The following WWC1 variants were observed in gnomAD, a reference collection of about 807,000 sequenced individuals.
WWC1 encodes protein KIBRA.
Under a neutral mutation model 138.4 loss-of-function variants are expected in WWC1, and 55 were observed. The observed-to-expected ratio is 0.40, with a 90% CI of 0.32 to 0.50. The LOEUF is 0.50. Among genes scored for constraint, WWC1 ranks in the 20% least tolerant of loss-of-function variants. The probability of loss-of-function intolerance (pLI) is 0.72; values close to 1 mark genes in which losing one functional copy is unlikely to be tolerated. For missense variants in WWC1, 1,226 were observed against 1,420.4 expected, an observed-to-expected ratio of 0.86 and a Z score of 2.20; for synonymous variants, 524 against 564.9, an observed-to-expected ratio of 0.93 and a Z score of 1.03.
chr5:168,371,482 G>C lies in WWC1; in HGVS notation c.178G>C (p.Glu60Gln), dbSNP rs751494695. The C allele has an allele frequency of 6.2e-7, 1 of 1,614,056 alleles. No individual in the cohort carries two copies. Among genetic ancestry groups the C allele is most frequent in the South Asian group, 1.1e-5 (1 of 91,074 alleles). Residue 60 changes from glutamate to glutamine, a missense_variant, in exon 2 of 23, where the codon GAA becomes CAA. Physicochemically the swap from Glu to Gln is conservative, Grantham distance 29. Coordinates refer to ENST00000265293, the MANE Select transcript of WWC1 (RefSeq NM_015238.3). ...CISDELPLGW[E>Q]EAYDPQVGDY... ...TAGTGATGAGTTGCCGCTAGGATGG[G>C]AAGAGGCATATGACCCACAGGTTGG...
chr5:168,397,229 G>T (rs527961954), intron 3 of WWC1, among the ~76,000 whole-genome samples: 73 of 151,152 alleles, frequency 4.8e-4, no homozygotes, highest in Non-Finnish European at 9.3e-4. Flanking sequence ...TGCAACCTCT[G>T]CCTCTCAGGT....
chr5:168,317,564 A>G (rs1381287984), intron 1 of WWC1, among the ~76,000 whole-genome samples: 7 of 152,018 alleles, frequency 4.6e-5, no homozygotes, highest in Non-Finnish European at 8.8e-5. Context: ...TGAACCCAGG[A>G]CTTCCCCCAC....
intron 17 of WWC1, among the ~76,000 whole-genome samples, chr5:168,453,227 A>AG (rs956365561): frequency 1.5e-5 from 2 of 133,390 alleles, no homozygotes; most frequent in Admixed American, 7.5e-5. Flanking sequence ...CTGATTCAAA[A>AG]GGAAAAAAAA....
Position 168,423,638 on chromosome 5 carries a change from C to T in WWC1, c.1380C>T (p.Ala460=), listed in dbSNP as rs775873715. ...CCAGCCTGGACTCCTCCACTTCAGC[C>T]AGCTTCACTGACCTCTACTATGACC... The part of the protein sequence containing the change: ...VASSLDSSTS[A]SFTDLYYDPF... Residue 460 remains alanine, a synonymous_variant, in exon 11 of 23, where the codon GCC becomes GCT. Coordinates refer to ENST00000265293, the MANE Select transcript of WWC1 (RefSeq NM_015238.3). 1 of 1,614,182 alleles carries T rather than the reference C, an allele frequency of 6.2e-7. No individual in the cohort carries two copies. The highest frequency in any genetic ancestry group is 8.5e-7 in the Non-Finnish European group (1 of 1,180,028).
rs866481796 is a variant in WWC1, at chr5:168,374,063, A to G, written c.229+2530A>G. ...TCTGTACCAAAAAAAAAAAAAAAAA[A>G]AGAGAGAGAGGTATAGCACAATATA... is the stretch of plus-strand genomic sequence containing the variant. On this transcript the variant is annotated intron_variant, in intron 2 of 22. Transcript: ENST00000265293. Among the ~76,000 whole-genome samples the G allele has an allele frequency of 6.7e-3, 967 of 144,020 alleles. 12 individuals are homozygous for G. Among genetic ancestry groups the G allele is most frequent in the Non-Finnish European group, 7.5e-3 (499 of 66,926 alleles). 94.5% of individuals were successfully genotyped at this position (144,020 alleles called of 152,430 possible).
Position 168,455,511 on chromosome 5 carries a change from C to T in WWC1, c.2814C>T (p.Tyr938=), listed in dbSNP as rs369826059. 9.9e-6 allele frequency: 16 copies of T among 1,612,594 alleles called. No individual in the cohort carries two copies. The highest frequency in any genetic ancestry group is 3.3e-5 in the Admixed American group (2 of 59,806). The stretch of plus-strand genomic sequence containing the variant: ...TCTCCCCAGGACCCCAGAGCCAGTA[C>T]GTGTGCCGGGTAAGTGAGCGTGCGG... The part of the protein sequence containing the change: ...KTFSPGPQSQ[Y]VCRLNRSDSD... The change falls in exon 19 of 23, where the codon TAC becomes TAT. Residue 938 remains tyrosine, a synonymous_variant. Transcript: ENST00000265293.
rs1778906095 is a variant in WWC1, at chr5:168,396,360, G to T, written c.434-1364G>T. Among the ~76,000 whole-genome samples, 5 of 151,464 alleles carry T rather than the reference G, an allele frequency of 3.3e-5. No individual in the cohort carries two copies. The South Asian group carries it at 1.0e-3, about 32-fold the overall frequency. The stretch of plus-strand genomic sequence containing the variant: ...ACTGTGCCACTGCACTGCAGCCTGG[G>T]CAATAGAGTAAGACTTCGTCTCAAA... On this transcript the variant is annotated intron_variant, in intron 3 of 22. Coordinates refer to ENST00000265293, the MANE Select transcript of WWC1 (RefSeq NM_015238.3).
intron 1 of WWC1, among the ~76,000 whole-genome samples, chr5:168,345,757 A>G (rs1269247346): frequency 6.6e-6 from 1 of 152,026 alleles, no homozygotes; most frequent in African/African-American, 2.4e-5. Context: ...TAATTTTTTA[A>G]CTCAGCTCAT....
intron 19 of WWC1, among the ~76,000 whole-genome samples, chr5:168,459,900 G>A (rs1756655312): frequency 6.6e-6 from 1 of 152,094 alleles, no homozygotes; most frequent in South Asian, 2.1e-4. Context: ...AGGGGGTGCT[G>A]TCATCCTACC....
intron 8 of WWC1, among the ~76,000 whole-genome samples, chr5:168,410,331 A>T (rs1780126713): frequency 6.6e-6 from 1 of 152,200 alleles, no homozygotes; most frequent in Non-Finnish European, 1.5e-5. Context: ...AAGGAGTACA[A>T]CTGGAATTTC....
Position 168,455,445 on chromosome 5 carries a change from G to T in WWC1, c.2748G>T (p.Gly916=), listed in dbSNP as rs1756227062. 4.3e-6 allele frequency: 7 copies of T among 1,612,718 alleles called. No homozygotes were observed. The East Asian group carries it at 1.6e-4, about 36-fold the overall frequency. Residue 916 remains glycine (G), a synonymous_variant, in exon 19 of 23, where the codon GGG becomes GGT. Transcript: ENST00000265293. Reference sequence around the variant, plus strand: ...GGAGAGTGGGCACCCCGTCCCAGGGGCCATTTCTTCGAGGGAGCACCATCA... The same window carrying T: ...GGAGAGTGGGCACCCCGTCCCAGGGTCCATTTCTTCGAGGGAGCACCATCA... ...KDRRVGTPSQ[G]PFLRGSTIIR...
At chr5:168,419,806 C>T (rs368959611) in intron 9 of WWC1, among the ~76,000 whole-genome samples, 1 of 152,150 alleles carries the variant, frequency 6.6e-6, no homozygotes, top group East Asian at 1.9e-4. Context: ...AAAGACACAC[C>T]CTGGAGTCCA....
At chr5:168,455,557 G>A (rs1561792211) in intron 19 of WWC1, 37 bp downstream of exon 19, 1 of 1,596,470 alleles carries the variant, frequency 6.3e-7, no homozygotes, top group East Asian at 2.3e-5. Flanking sequence ...CTCCCCTCAG[G>A]GTAGCCGAGA....
chr5:168,409,219 T>C (rs1327163961), intron 7 of WWC1, among the ~76,000 whole-genome samples: 3 of 152,232 alleles, frequency 2.0e-5, no homozygotes, highest in Non-Finnish European at 4.4e-5. Flanking sequence ...TTTGTTTTAC[T>C]AGAGCCAGCA....
chr5:168,467,829 G>A lies in WWC1; in HGVS notation c.3151-11G>A. 1.9e-6 allele frequency: 3 copies of A among 1,614,166 alleles called. No homozygotes were observed. Among genetic ancestry groups the A allele is most frequent in the Non-Finnish European group, 2.5e-6 (3 of 1,180,024 alleles). ...CCTCCACTGACTCAGGGCCTTGCTT[G>A]CTTTGCCCAGCAGATGGACCGAGCG... On this transcript the variant is annotated splice_polypyrimidine_tract_variant and intron_variant, in intron 21 of 22. Coordinates refer to ENST00000265293, the MANE Select transcript of WWC1 (RefSeq NM_015238.3).
At chr5:168,445,668 C>G (rs1439579920) in intron 17 of WWC1, among the ~76,000 whole-genome samples, 1 of 140,782 alleles carries the variant, frequency 7.1e-6, no homozygotes, top group Non-Finnish European at 1.5e-5. Flanking sequence ...CGCCACTGCA[C>G]TCCATCCTAG....
chr5:168,424,973 G>A (rs1781391907), intron 11 of WWC1, among the ~76,000 whole-genome samples: 1 of 152,186 alleles, frequency 6.6e-6, no homozygotes, highest in Non-Finnish European at 1.5e-5. Flanking sequence ...TTTATCTTTA[G>A]CAGCAACCAC....
intron 21 of WWC1, among the ~76,000 whole-genome samples, chr5:168,465,576 T>TTTTTTTTTG (rs1554118704): frequency 1.5e-5 from 2 of 136,130 alleles, no homozygotes; most frequent in African/African-American, 5.8e-5. Flanking sequence ...TTTTTTTTTT[T>TTTTTTTTTG]GGAGATGGGT....
chr5:168,311,924 C>T (rs1165859672), intron 1 of WWC1, among the ~76,000 whole-genome samples: 3 of 150,866 alleles, frequency 2.0e-5, no homozygotes, highest in Non-Finnish European at 2.9e-5. Flanking sequence ...TGGCGCACAC[C>T]TGTAATCCCA....
Sources: allele counts gnomAD v4.1 joint callset (sites outside exome capture counted in the v4.1 genomes callset), GRCh38; gene constraint gnomAD v4.1.1; transcripts MANE v1.5; gene names NCBI Gene and HGNC (gene_info 2026-07-23, HGNC 2026-07-21).